The following SIPA1L1 variants were observed in gnomAD, a reference collection of about 807,000 sequenced individuals.
SIPA1L1 encodes signal-induced proliferation-associated 1-like protein 1.
In SIPA1L1, 26 loss-of-function variants were observed where a neutral mutation model predicts 162.7. That is an observed-to-expected ratio of 0.16 (90% confidence interval 0.12 to 0.22). SIPA1L1 has a LOEUF of 0.22. Among genes scored for constraint, SIPA1L1 ranks in the 10% least tolerant of loss-of-function variants. The pLI, the probability that SIPA1L1 is intolerant of heterozygous loss-of-function variation, is 1.00. For synonymous variants in SIPA1L1, 829 were observed against 837.4 expected, an observed-to-expected ratio of 0.99 and a Z score of 0.17; for missense variants, 1,874 against 2,241.0, an observed-to-expected ratio of 0.84 and a Z score of 3.31.
chr14:71,551,350 A>G (rs916247657), intron 4 of SIPA1L1, among the ~76,000 whole-genome samples: 21 of 152,206 alleles, frequency 1.4e-4, no homozygotes, highest in African/African-American at 4.6e-4. Context: ...GCAAACCAGG[A>G]TGGCTAGTCT....
chr14:71,691,435 TA>T (rs537156348), intron 13 of SIPA1L1, among the ~76,000 whole-genome samples: 4 of 151,110 alleles, frequency 2.6e-5, no homozygotes, highest in African/African-American at 7.3e-5. Context: ...CTACAAAAAA[TA>T]AAAAAAAATT....
At chr14:71,544,251 T>C (rs889120534) in intron 4 of SIPA1L1, among the ~76,000 whole-genome samples, 30 of 106,898 alleles carry the variant, frequency 2.8e-4, no homozygotes, top group Admixed American at 2.7e-3. Context: ...TACACATATG[T>C]ATATACACAT....
At chr14:71,617,131 TTTCTCTTTAAG>T (rs1346531541) in intron 5 of SIPA1L1, among the ~76,000 whole-genome samples, 2 of 152,188 alleles carry the variant, frequency 1.3e-5, no homozygotes, top group Non-Finnish European at 2.9e-5. Context: ...TGCTGTCTTG[TTTCTCTTTAAG>T]TTCTTGTCTG....
chr14:71,691,645 T>C (rs555209235), intron 13 of SIPA1L1, among the ~76,000 whole-genome samples: 9 of 151,978 alleles, frequency 5.9e-5, no homozygotes, highest in Non-Finnish European at 1.3e-4. Flanking sequence ...CCTATCATCG[T>C]CACCACCCCC....
intron 2 of SIPA1L1, among the ~76,000 whole-genome samples, chr14:71,365,914 T>G (rs2038249165): frequency 9.0e-6 from 1 of 110,736 alleles, no homozygotes; most frequent in African/African-American, 3.4e-5. Context: ...TTTTAAGAGA[T>G]GGGGTTTTGC....
rs1041513357 is a variant in SIPA1L1, at chr14:71,462,888, A to G, written c.-464-49855A>G. Among the ~76,000 whole-genome samples the G allele has an allele frequency of 8.7e-4, 133 of 152,380 alleles. 1 individual carries two copies. Among genetic ancestry groups the G allele is most frequent in the African/African-American group, 3.1e-3 (128 of 41,582 alleles). On this transcript the variant is annotated intron_variant, in intron 2 of 23. Coordinates refer to ENST00000381232, the MANE Select transcript of SIPA1L1 (RefSeq NM_001386936.1). Reference sequence around the variant, plus strand: ...TTGCTGGCCTTGCCAGCTGAAGGCAAATTGCTTCAGATGGGCCATATGGAC... The same window carrying G: ...TTGCTGGCCTTGCCAGCTGAAGGCAGATTGCTTCAGATGGGCCATATGGAC...
At chr14:71,681,042 C>A (rs145366057) in intron 12 of SIPA1L1, among the ~76,000 whole-genome samples, 1 of 152,342 alleles carries the variant, frequency 6.6e-6, no homozygotes, top group Non-Finnish European at 1.5e-5. Flanking sequence ...CCCAGCACTT[C>A]CGTATCAGCA....
chr14:71,467,957 T>C (rs918455854), intron 2 of SIPA1L1, among the ~76,000 whole-genome samples: 3 of 150,502 alleles, frequency 2.0e-5, no homozygotes, highest in African/African-American at 7.3e-5. Context: ...GCCTGGCACA[T>C]AGTAAGGACA....
At chr14:71,526,177 A>G (rs921631651) in intron 3 of SIPA1L1, among the ~76,000 whole-genome samples, 1 of 152,226 alleles carries the variant, frequency 6.6e-6, no homozygotes, top group African/African-American at 2.4e-5. Context: ...TTTATTTATA[A>G]TAATTACTGA....
rs778659338 is a variant in SIPA1L1 at position 71,379,301 on chromosome 14, CT to C, written c.-465+58133del. Among the ~76,000 whole-genome samples the C allele has an allele frequency of 3.5e-3, 500 of 142,270 alleles. 6 individuals carry two copies. The East Asian group carries it at 0.038, about 11-fold the overall frequency. 93.3% of individuals were successfully genotyped at this position (142,270 alleles called of 152,430 possible). On this transcript the variant is annotated intron_variant, in intron 2 of 23. Coordinates refer to ENST00000381232, the MANE Select transcript of SIPA1L1 (RefSeq NM_001386936.1). ...CATTACATTAAGACTTTCTTTCTTT[CT>C]TTTTTTTTTTTTCCTTTAAGAGACT...
chr14:71,704,082 C>T (rs1388953170), intron 15 of SIPA1L1, among the ~76,000 whole-genome samples: 4 of 152,100 alleles, frequency 2.6e-5, no homozygotes, highest in Non-Finnish European at 2.9e-5. Flanking sequence ...TGGCCTTTCA[C>T]CATGGGAAAT....
At chr14:71,359,596 G>A (rs2037604913) in intron 2 of SIPA1L1, among the ~76,000 whole-genome samples, 1 of 152,134 alleles carries the variant, frequency 6.6e-6, no homozygotes, top group African/African-American at 2.4e-5. Context: ...AATGAACTTG[G>A]CAAAAGCAGC....
At chr14:71,679,373 C>G (rs1349567683) in intron 12 of SIPA1L1, among the ~76,000 whole-genome samples, 1 of 152,152 alleles carries the variant, frequency 6.6e-6, no homozygotes, top group East Asian at 1.9e-4. Flanking sequence ...CCTTTACAGA[C>G]AAGCAAATGC....
At chr14:71,427,136 T>C (rs2043625525) in intron 2 of SIPA1L1, among the ~76,000 whole-genome samples, 1 of 152,230 alleles carries the variant, frequency 6.6e-6, no homozygotes, top group Non-Finnish European at 1.5e-5. Context: ...TTTCTTTATG[T>C]GGCTGCAAGT....
At chr14:71,494,965 A>T (rs923920177) in intron 2 of SIPA1L1, among the ~76,000 whole-genome samples, 1 of 152,094 alleles carries the variant, frequency 6.6e-6, no homozygotes, top group Non-Finnish European at 1.5e-5. Flanking sequence ...TCTCGGGCTC[A>T]GTTGATCCTC....
chr14:71,433,512 T>G (rs942260157), intron 2 of SIPA1L1, among the ~76,000 whole-genome samples: 1 of 152,152 alleles, frequency 6.6e-6, no homozygotes, highest in African/African-American at 2.4e-5. Flanking sequence ...CGACGGGGCT[T>G]CACCATGTTA....
intron 10 of SIPA1L1, among the ~76,000 whole-genome samples, 187 bp downstream of exon 10, chr14:71,661,654 G>T (rs904449844): frequency 1.3e-5 from 2 of 152,150 alleles, no homozygotes; most frequent in African/African-American, 4.8e-5. Context: ...CATTACCCAA[G>T]CATGTTGGTT....
intron 17 of SIPA1L1, among the ~76,000 whole-genome samples, chr14:71,717,545 CT>C (rs1223121583): frequency 6.6e-6 from 1 of 152,228 alleles, no homozygotes; most frequent in East Asian, 1.9e-4. Flanking sequence ...CAAGATTTAA[CT>C]CTCTGTGAGT....
intron 2 of SIPA1L1, among the ~76,000 whole-genome samples, chr14:71,332,594 G>C (rs2140300477): frequency 6.6e-6 from 1 of 152,230 alleles, no homozygotes; most frequent in South Asian, 2.1e-4. Flanking sequence ...AGATTTTCCT[G>C]AGGACCCAGA....
Sources: gnomAD v4.1 joint callset for allele counts (sites outside exome capture counted in the v4.1 genomes callset) on GRCh38, gnomAD v4.1.1 for gene constraint, MANE v1.5 for transcripts, NCBI Gene and HGNC (gene_info 2026-07-23, HGNC 2026-07-21) for gene names.